The following CUEDC1 variants were observed in gnomAD, a reference collection of about 807,000 sequenced individuals.
CUEDC1 encodes the protein CUE domain containing 1.
A neutral mutation model predicts 43.7 loss-of-function variants in CUEDC1; 30 were observed. The ratio of observed to expected loss-of-function variants is 0.69; its 90% CI spans 0.51 to 0.93. The LOEUF is 0.93. CUEDC1 is among the 40% of genes least tolerant of loss of function. CUEDC1 has a pLI of 0.00. For synonymous variants in CUEDC1, 223 were observed against 223.6 expected (o/e 1.00, Z 0.02); for missense variants, 486 against 549.0 (o/e 0.89, Z 1.15).
chr17:57,887,871 G>GAT (rs1210465673), intron 1 of CUEDC1, among the ~76,000 whole-genome samples: 1 of 143,998 alleles, frequency 6.9e-6, no homozygotes, highest in Non-Finnish European at 1.5e-5. Flanking sequence ...TCTACATCTC[G>GAT]ATTTTTTCTT....
intron 1 of CUEDC1, among the ~76,000 whole-genome samples, chr17:57,928,324 C>T (rs1289287676): frequency 1.3e-5 from 2 of 151,984 alleles, no homozygotes; most frequent in East Asian, 1.9e-4. Context: ...CCGAGGTGGG[C>T]GGATCACCAG....
chr17:57,867,404 GCAGCCCC>G lies in CUEDC1; in HGVS notation c.1039_1045del (p.Gly347ProfsTer99). The stretch of plus-strand genomic sequence containing the variant: ...ATCCAGGAGGTTGGCTGTTGACGCG[GCAGCCCC>G]CAGCCTGCCAGGCCATTCAGGAAAA... On this transcript the variant is annotated frameshift_variant, in exon 9 of 11. Transcript: ENST00000577830. LOFTEE classifies it high-confidence loss of function. 6.4e-7 allele frequency: 1 copy of G among 1,552,372 alleles called. No individual in the cohort carries two copies. Among genetic ancestry groups the G allele is most frequent in the Non-Finnish European group, 8.7e-7 (1 of 1,147,322 alleles).
rs1369275091 is a variant in CUEDC1, at chr17:57,955,392, G to C, written c.-483C>G. 2 of 148,706 alleles carry C rather than the reference G, an allele frequency of 1.3e-5. No homozygotes were observed. The highest frequency in any genetic ancestry group is 4.9e-5 in the African/African-American group (2 of 40,790). 9.2% of individuals were successfully genotyped at this position (148,706 alleles called of 1,614,324 possible). A position where few individuals can be genotyped will look rare whatever the true frequency, so the allele number is the denominator to read the frequency against. On this transcript the variant is annotated 5_prime_UTR_variant, in exon 1 of 11. Coordinates refer to ENST00000577830, the MANE Select transcript of CUEDC1 (RefSeq NM_001271875.2). The surrounding 1 kb of genome is among the most constrained non-coding windows in gnomAD (Gnocchi z 5.3). ...AAAGTGAGGCGAGGCCGGCTTCCTA[G>C]CGGCGGGCGGCGAGAAATGCAGCTG...
At chr17:57,868,127 C>T (rs536737055) in intron 8 of CUEDC1, 23 bp downstream of exon 8, 2 of 1,597,902 alleles carry the variant, frequency 1.3e-6, no homozygotes, top group East Asian at 2.2e-5. Context: ...CCACCCCCAC[C>T]AGTGCCAGGC....
At chr17:57,877,884 CAAA>C (rs59469013) in intron 3 of CUEDC1, among the ~76,000 whole-genome samples, 3 of 89,556 alleles carry the variant, frequency 3.3e-5, no homozygotes, top group Non-Finnish European at 2.2e-5. Context: ...GACTCCGACT[CAAA>C]AAAAAAAAAA....
chr17:57,878,759 G>A (rs1005557762), intron 3 of CUEDC1, among the ~76,000 whole-genome samples: 5 of 152,066 alleles, frequency 3.3e-5, no homozygotes, highest in South Asian at 2.1e-4. Context: ...CTCCGCCTCC[G>A]GGGTTCAAGC....
At chr17:57,905,249 GACACACACACACACAC>G (rs761744709) in intron 1 of CUEDC1, among the ~76,000 whole-genome samples, 2 of 128,012 alleles carry the variant, frequency 1.6e-5, no homozygotes, top group Admixed American at 8.1e-5. Flanking sequence ...CTCTCTCTCT[GACACACACACACACAC>G]ACACACACAC....
chr17:57,866,519 C>A lies in CUEDC1; in HGVS notation c.1119G>T (p.Gln373His). 6.2e-7 allele frequency: 1 copy of A among 1,614,230 alleles called. No individual in the cohort carries two copies. Among genetic ancestry groups the A allele is most frequent in the South Asian group, 1.1e-5 (1 of 91,086 alleles). The change falls in exon 10 of 11, where the codon CAG (glutamine) becomes CAT (histidine). Residue 373 changes from glutamine to histidine, a missense_variant. Transcript: ENST00000577830. ...GGCCTTCCTCCACCTTGGGTGCCTCCTGACGCCTGCCCCGGAAGTCTTCAT... is the reference window on the plus strand; with the variant it reads ...GGCCTTCCTCCACCTTGGGTGCCTCATGACGCCTGCCCCGGAAGTCTTCAT... The part of the protein sequence containing the change: ...ACDEDFRGRR[Q>H]EAPKVEEGLR...
intron 1 of CUEDC1, among the ~76,000 whole-genome samples, chr17:57,952,764 T>C (rs2143257983): frequency 6.6e-6 from 1 of 152,260 alleles, no homozygotes; most frequent in East Asian, 1.9e-4. Context: ...CTGTGCTCTC[T>C]AGTTAAACAA....
chr17:57,918,128 C>T (rs2074662524), intron 1 of CUEDC1, among the ~76,000 whole-genome samples: 1 of 152,228 alleles, frequency 6.6e-6, no homozygotes, highest in Admixed American at 6.5e-5. Flanking sequence ...TCTGTAATGT[C>T]CACAGAGCAA....
In CUEDC1 at chr17:57,874,845, G is replaced by C. The variant is rs531597453; in HGVS notation, c.465-1128C>G. On this transcript the variant is annotated intron_variant, in intron 3 of 10. Coordinates refer to ENST00000577830, the MANE Select transcript of CUEDC1 (RefSeq NM_001271875.2). ...ATAACTTCCTTTCCTTTTCTATTTC[G>C]GGCGGGTGGCCGGCGGCGGGGGCGA... 5.3e-5 allele frequency among the ~76,000 whole-genome samples: 8 copies of C among 152,164 alleles called. No individual in the cohort carries two copies. In the South Asian group the frequency reaches 1.2e-3, roughly 24 times the overall value.
At chr17:57,932,764 A>T (rs186558504) in intron 1 of CUEDC1, among the ~76,000 whole-genome samples, 2 of 151,906 alleles carry the variant, frequency 1.3e-5, no homozygotes, top group Admixed American at 1.3e-4. Context: ...TGGGAGGCTG[A>T]GGCAGGAGAA....
intron 6 of CUEDC1, chr17:57,869,960 A>G (rs2074012086): frequency 6.6e-6 from 1 of 152,308 alleles, no homozygotes; most frequent in Admixed American, 6.5e-5. Flanking sequence ...TAGTTAATTC[A>G]GGATCAAGGA....
chr17:57,904,770 G>T (rs1478975935), intron 1 of CUEDC1, among the ~76,000 whole-genome samples: 1 of 152,170 alleles, frequency 6.6e-6, no homozygotes. Context: ...TACCGTAGGG[G>T]AGTGGGGGGG....
intron 5 of CUEDC1, 120 bp downstream of exon 5, chr17:57,872,543 T>A (rs1197010888): frequency 1.8e-6 from 2 of 1,124,842 alleles, no homozygotes; most frequent in African/African-American, 3.2e-5. Context: ...CATGCCTCAA[T>A]AGGACAGAAA....
Position 57,867,402 on chromosome 17 carries a change from C to T in CUEDC1, c.1048G>A (p.Ala350Thr), listed in dbSNP as rs370022164. The T allele has an allele frequency of 2.3e-5, 35 of 1,552,384 alleles. No individual in the cohort carries two copies. The highest frequency in any genetic ancestry group is 1.2e-4 in the Admixed American group (6 of 51,112). Residue 350 changes from alanine (A) to threonine (T), a missense_variant, in exon 9 of 11, where the codon GCG becomes ACG. Coordinates refer to ENST00000577830, the MANE Select transcript of CUEDC1 (RefSeq NM_001271875.2). ...LLKHQSLGAA[A>T]STANLLDDVE... ...TCATCCAGGAGGTTGGCTGTTGACG[C>T]GGCAGCCCCCAGCCTGCCAGGCCAT... is the stretch of plus-strand genomic sequence containing the variant.
intron 2 of CUEDC1, among the ~76,000 whole-genome samples, chr17:57,880,103 CA>C (rs2074183534): frequency 6.6e-6 from 1 of 152,148 alleles, no homozygotes; most frequent in African/African-American, 2.4e-5. Flanking sequence ...GAACAGATAC[CA>C]GGGGCACTCC....
At chr17:57,891,230 C>T (rs530443785) in intron 1 of CUEDC1, among the ~76,000 whole-genome samples, 8 of 152,344 alleles carry the variant, frequency 5.3e-5, no homozygotes, top group Non-Finnish European at 1.0e-4. Flanking sequence ...TGGATCCATC[C>T]GACCTGTGAT....
chr17:57,941,514 T>A (rs1399895047), intron 1 of CUEDC1, among the ~76,000 whole-genome samples: 1 of 152,228 alleles, frequency 6.6e-6, no homozygotes, highest in Non-Finnish European at 1.5e-5. Context: ...CTTCTTCTAA[T>A]TCACCCAAAG....
Sources: gnomAD v4.1 joint callset for allele counts (sites outside exome capture counted in the v4.1 genomes callset) on GRCh38, gnomAD v4.1.1 for gene constraint, Gnocchi (gnomAD v3.1) non-coding constraint, MANE v1.5 for transcripts, NCBI Gene and HGNC (gene_info 2026-07-23, HGNC 2026-07-21) for gene names.